The following R3HDM2 variants were observed in gnomAD, a reference collection of about 807,000 sequenced individuals.
R3HDM2 encodes R3H domain containing 2.
Under a neutral mutation model 124.5 loss-of-function variants are expected in R3HDM2, and 38 were observed. The ratio of observed to expected loss-of-function variants is 0.31; its 90% CI spans 0.24 to 0.40. The LOEUF (loss-of-function observed/expected upper bound fraction) is 0.40. R3HDM2 is among the 10% of genes least tolerant of loss of function. The pLI is 1.00. For synonymous variants in R3HDM2, 391 were observed against 448.0 expected, an observed-to-expected ratio of 0.87 and a Z score of 1.61; for missense variants, 869 against 1,236.9, an observed-to-expected ratio of 0.70 and a Z score of 4.46.
At chr12:57,394,228 C>A (rs2067148753) in intron 2 of R3HDM2, among the ~76,000 whole-genome samples, 1 of 151,078 alleles carries the variant, frequency 6.6e-6, no homozygotes, top group Non-Finnish European at 1.5e-5. Flanking sequence ...ATCTGGGAGG[C>A]AGAGGTTAAA....
At chr12:57,406,360 ATTAAATATAT>A (rs1280137114) in intron 1 of R3HDM2, among the ~76,000 whole-genome samples, 2 of 151,858 alleles carry the variant, frequency 1.3e-5, no homozygotes, top group Non-Finnish European at 2.9e-5. Flanking sequence ...GCTTAAACAC[ATTAAATATAT>A]TTAAATTGAA....
chr12:57,271,469 C>A (rs1261974316), intron 14 of R3HDM2, among the ~76,000 whole-genome samples: 2 of 152,296 alleles, frequency 1.3e-5, no homozygotes, highest in Non-Finnish European at 1.5e-5. Flanking sequence ...CACGCACACA[C>A]AACTAGCAGA....
intron 2 of R3HDM2, among the ~76,000 whole-genome samples, chr12:57,384,149 C>T (rs976331491): frequency 6.6e-6 from 1 of 151,950 alleles, no homozygotes; most frequent in Non-Finnish European, 1.5e-5. Context: ...ATCACGAGGT[C>T]AGGAGATCAA....
intron 1 of R3HDM2, among the ~76,000 whole-genome samples, chr12:57,428,520 G>GGGGGGCGTGGT (rs1868588369): frequency 1.4e-5 from 2 of 146,874 alleles, no homozygotes; most frequent in South Asian, 4.4e-4. Flanking sequence ...GGGGCGTGGT[G>GGGGGGCGTGGT]GGGGGGCACC....
intron 2 of R3HDM2, among the ~76,000 whole-genome samples, chr12:57,365,264 CA>C (rs1162818499): frequency 1.5e-5 from 2 of 137,564 alleles, no homozygotes; most frequent in Admixed American, 7.4e-5. Context: ...ACTCTGTCTC[CA>C]AAAAAAAAGA....
intron 14 of R3HDM2, among the ~76,000 whole-genome samples, chr12:57,270,296 C>T (rs2043294620): frequency 6.6e-6 from 1 of 152,230 alleles, no homozygotes; most frequent in Non-Finnish European, 1.5e-5. Context: ...AATCCCAGCT[C>T]ACTGCAACCT....
intron 1 of R3HDM2, among the ~76,000 whole-genome samples, chr12:57,421,579 C>T (rs913305973): frequency 6.6e-6 from 1 of 150,428 alleles, no homozygotes; most frequent in African/African-American, 2.4e-5. Flanking sequence ...GGGATTGTGG[C>T]TTACTGCAGC....
At chr12:57,357,522 TTG>T (rs1320764090) in intron 2 of R3HDM2, among the ~76,000 whole-genome samples, 1 of 152,092 alleles carries the variant, frequency 6.6e-6, no homozygotes, top group Non-Finnish European at 1.5e-5. Context: ...ATCAGTGATG[TTG>T]TCTCTCTCAT....
chr12:57,298,868 C>A (rs182228183), intron 6 of R3HDM2, among the ~76,000 whole-genome samples: 56 of 151,990 alleles, frequency 3.7e-4, no homozygotes, highest in Middle Eastern at 3.2e-3. Context: ...GTGGCTGAGG[C>A]AAGAAAATCG....
intron 2 of R3HDM2, among the ~76,000 whole-genome samples, chr12:57,361,620 G>C (rs1230130680): frequency 3.3e-5 from 5 of 151,932 alleles, no homozygotes; most frequent in African/African-American, 7.2e-5. Flanking sequence ...GGAGTTCAAG[G>C]CTGCGGCGGT....
At chr12:57,385,040 A>G (rs1329062252) in intron 2 of R3HDM2, among the ~76,000 whole-genome samples, 2 of 151,770 alleles carry the variant, frequency 1.3e-5, no homozygotes, top group Non-Finnish European at 2.9e-5. Flanking sequence ...CCAGCTACTC[A>G]GGAGGCTGAG....
intron 2 of R3HDM2, among the ~76,000 whole-genome samples, chr12:57,336,972 T>A (rs575995001): frequency 6.6e-6 from 1 of 152,240 alleles, no homozygotes; most frequent in South Asian, 2.1e-4. Context: ...TTTTTGAAAA[T>A]TATTTGTAAA....
chr12:57,373,581 G>A (rs1221088776), intron 2 of R3HDM2, among the ~76,000 whole-genome samples: 2 of 151,996 alleles, frequency 1.3e-5, no homozygotes, highest in African/African-American at 2.4e-5. Flanking sequence ...AGGCCGAGGT[G>A]GGCAGATCAC....
Position 57,256,396 on chromosome 12 carries a change from G to A in R3HDM2, c.2547+18C>T. ...AGAGGGGTCTGATGGCCCTACAGTT[G>A]CTGGTGGACACCCTTACCTGGTGCA... On this transcript the variant is annotated intron_variant, in intron 22 of 23. Coordinates refer to ENST00000402412, the MANE Select transcript of R3HDM2 (RefSeq NM_001394031.1). 3 of 1,529,946 alleles carry A rather than the reference G, an allele frequency of 2.0e-6. No individual in the cohort carries two copies. The highest frequency in any genetic ancestry group is 2.7e-6 in the Non-Finnish European group (3 of 1,127,398). The allele number at this position is 1,529,946 out of a possible 1,614,324, so 94.8% of individuals were successfully genotyped here.
At chr12:57,429,790 G>A (rs1869248275) in intron 1 of R3HDM2, among the ~76,000 whole-genome samples, 1 of 151,274 alleles carries the variant, frequency 6.6e-6, no homozygotes. Flanking sequence ...AATATTGGTG[G>A]AACAACAACA....
At chr12:57,294,464 T>C (rs2049299577) in intron 10 of R3HDM2, among the ~76,000 whole-genome samples, 1 of 152,164 alleles carries the variant, frequency 6.6e-6, no homozygotes, top group African/African-American at 2.4e-5. Context: ...CCACAATAGA[T>C]AATGGCACTT....
intron 20 of R3HDM2, among the ~76,000 whole-genome samples, chr12:57,258,595 C>A (rs2039811007): frequency 6.6e-6 from 1 of 152,124 alleles, no homozygotes. Flanking sequence ...CTTGTCCTCC[C>A]AAAGTGCTGG....
chr12:57,331,663 C>T (rs1454990390), intron 2 of R3HDM2, among the ~76,000 whole-genome samples: 1 of 151,988 alleles, frequency 6.6e-6, no homozygotes, highest in Non-Finnish European at 1.5e-5. Context: ...GCCTGTAATC[C>T]CAGCACTTTG....
intron 2 of R3HDM2, among the ~76,000 whole-genome samples, chr12:57,332,287 C>T (rs924044094): frequency 5.3e-5 from 8 of 150,970 alleles, no homozygotes; most frequent in African/African-American, 1.7e-4. Context: ...TGGTGACACA[C>T]ACCTGTAGTC....
Sources: gnomAD v4.1 joint callset for allele counts (sites outside exome capture counted in the v4.1 genomes callset) on GRCh38, gnomAD v4.1.1 for gene constraint, MANE v1.5 for transcripts, NCBI Gene and HGNC (gene_info 2026-07-23, HGNC 2026-07-21) for gene names.